The following LCLAT1 variants were observed in gnomAD, a reference collection of about 807,000 sequenced individuals.
LCLAT1 encodes the protein 1-AGP acyltransferase 8.
LCLAT1 carries 11 observed loss-of-function variants against 30.7 expected under a neutral mutation model. The observed-to-expected ratio is 0.36, with a 90% CI of 0.23 to 0.59. The LOEUF (loss-of-function observed/expected upper bound fraction) is 0.59, where lower values mean the gene tolerates loss of function less well. Ranked by LOEUF, LCLAT1 falls within the 20% of genes least tolerant of loss-of-function variation. The pLI, the probability that LCLAT1 is intolerant of heterozygous loss-of-function variation, is 0.77. For synonymous variants in LCLAT1, 155 were observed against 151.3 expected, an observed-to-expected ratio of 1.02 and a Z score of -0.18; for missense variants, 402 against 458.6, an observed-to-expected ratio of 0.88 and a Z score of 1.13.
intron 1 of LCLAT1, among the ~76,000 whole-genome samples, chr2:30,518,041 A>C (rs187320483): frequency 2.0e-5 from 3 of 152,218 alleles, no homozygotes; most frequent in African/African-American, 7.2e-5. Context: ...CTTTGCTAGC[A>C]GAAGAAAGTA....
At chr2:30,483,754 C>T (rs1168899587) in intron 1 of LCLAT1, among the ~76,000 whole-genome samples, 3 of 152,090 alleles carry the variant, frequency 2.0e-5, no homozygotes, top group Non-Finnish European at 4.4e-5. Context: ...GTTGTCTTAA[C>T]TTGTATTTAA....
intron 5 of LCLAT1, among the ~76,000 whole-genome samples, chr2:30,582,210 TGCCCCC>T (rs1227822234): frequency 9.9e-6 from 1 of 101,178 alleles, no homozygotes; most frequent in Admixed American, 1.1e-4. Flanking sequence ...CCCCTGCCCC[TGCCCCC>T]CTCCCATGGC....
chr2:30,515,519 C>A (rs1685137196), intron 1 of LCLAT1, among the ~76,000 whole-genome samples: 1 of 152,132 alleles, frequency 6.6e-6, no homozygotes, highest in Admixed American at 6.6e-5. Flanking sequence ...GAATAACGTA[C>A]ACAGTTATTA....
In LCLAT1 at chr2:30,479,467, G is replaced by A. The variant is rs569869657; in HGVS notation, c.-5+32084G>A. 3.9e-5 allele frequency among the ~76,000 whole-genome samples: 6 copies of A among 152,180 alleles called. No individual in the cohort carries two copies. The South Asian group carries it at 1.2e-3, about 32-fold the overall frequency. On this transcript the variant is annotated intron_variant, in intron 1 of 5. Transcript: ENST00000379509. ...TCAGCATGTTACCCAGGCTGGTCTA[G>A]AACTCCTGGACTCAAGCAGTCCCTC...
At chr2:30,625,055 T>C (rs774782442) in intron 5 of LCLAT1, among the ~76,000 whole-genome samples, 2 of 152,146 alleles carry the variant, frequency 1.3e-5, no homozygotes, top group Non-Finnish European at 2.9e-5. Context: ...TGAATGATAA[T>C]AGTGATAGAA....
intron 5 of LCLAT1, among the ~76,000 whole-genome samples, chr2:30,588,413 C>T (rs1025000820): frequency 6.6e-6 from 1 of 152,204 alleles, no homozygotes; most frequent in Admixed American, 6.5e-5. Flanking sequence ...TTCTTCCTCA[C>T]TGCCATATCA....
intron 1 of LCLAT1, among the ~76,000 whole-genome samples, chr2:30,516,142 C>T (rs1459104037): frequency 6.6e-6 from 1 of 152,158 alleles, no homozygotes; most frequent in Admixed American, 6.5e-5. Context: ...TCATCTATCG[C>T]CTGAGAGCAC....
intron 1 of LCLAT1, among the ~76,000 whole-genome samples, chr2:30,488,677 C>T (rs1162317703): frequency 1.3e-5 from 2 of 152,148 alleles, no homozygotes; most frequent in Non-Finnish European, 2.9e-5. Context: ...AGATTCCTAC[C>T]ACCTAGGCTG....
intron 3 of LCLAT1, among the ~76,000 whole-genome samples, chr2:30,541,663 A>G (rs1664144350): frequency 6.6e-6 from 1 of 152,170 alleles, no homozygotes; most frequent in Non-Finnish European, 1.5e-5. Context: ...CTTTTAATGT[A>G]TTACTTACAT....
intron 3 of LCLAT1, among the ~76,000 whole-genome samples, chr2:30,558,765 G>A (rs913513928): frequency 5.3e-5 from 8 of 152,126 alleles, no homozygotes; most frequent in Non-Finnish European, 1.2e-4. Flanking sequence ...CAGTGGGAGT[G>A]GCAATTGGTA....
At chr2:30,509,711 G>T (rs1379607744) in intron 1 of LCLAT1, among the ~76,000 whole-genome samples, 1 of 152,016 alleles carries the variant, frequency 6.6e-6, no homozygotes, top group Non-Finnish European at 1.5e-5. Context: ...GACTACAGAT[G>T]CATGCCACCA....
At chr2:30,638,084 G>A (rs931381721) in intron 5 of LCLAT1, among the ~76,000 whole-genome samples, 6 of 152,308 alleles carry the variant, frequency 3.9e-5, no homozygotes, top group African/African-American at 1.4e-4. Context: ...CTCTCATTAA[G>A]TGCTGATTAT....
At chr2:30,548,886 T>A (rs1338328977) in intron 3 of LCLAT1, among the ~76,000 whole-genome samples, 1 of 152,142 alleles carries the variant, frequency 6.6e-6, no homozygotes, top group Non-Finnish European at 1.5e-5. Flanking sequence ...GAATTTATGG[T>A]TTGTAGGGCA....
intron 3 of LCLAT1, among the ~76,000 whole-genome samples, chr2:30,542,205 A>G (rs181303786): frequency 7.2e-5 from 11 of 152,280 alleles, no homozygotes; most frequent in African/African-American, 2.6e-4. Context: ...TTCAAAGAGC[A>G]AACTTTATCT....
chr2:30,466,124 C>T (rs1338091795), intron 1 of LCLAT1, among the ~76,000 whole-genome samples: 12 of 151,882 alleles, frequency 7.9e-5, no homozygotes, highest in Admixed American at 7.9e-4. Flanking sequence ...CTGCTTTTAC[C>T]TATTTGATAA....
At chr2:30,464,809 G>C (rs1406068464) in intron 1 of LCLAT1, among the ~76,000 whole-genome samples, 1 of 152,210 alleles carries the variant, frequency 6.6e-6, no homozygotes, top group Non-Finnish European at 1.5e-5. Flanking sequence ...GACTAGGATA[G>C]TATCTAATTC....
intron 1 of LCLAT1, among the ~76,000 whole-genome samples, chr2:30,469,710 C>T (rs1228194437): frequency 6.6e-6 from 1 of 151,548 alleles, no homozygotes; most frequent in Non-Finnish European, 1.5e-5. Context: ...TGCTGAGTAG[C>T]TGGGACTACA....
chr2:30,492,888 AT>A (rs1683902878), intron 1 of LCLAT1, among the ~76,000 whole-genome samples: 1 of 152,196 alleles, frequency 6.6e-6, no homozygotes, highest in Non-Finnish European at 1.5e-5. Context: ...AATTTCATTT[AT>A]ACATTTCCAT....
At chr2:30,484,167 G>C (rs1297991574) in intron 1 of LCLAT1, among the ~76,000 whole-genome samples, 1 of 152,086 alleles carries the variant, frequency 6.6e-6, no homozygotes, top group East Asian at 1.9e-4. Context: ...CATATTCTCT[G>C]TATTAGGCCC....
Sources: gnomAD v4.1 joint callset for allele counts (sites outside exome capture counted in the v4.1 genomes callset) on GRCh38, gnomAD v4.1.1 for gene constraint, MANE v1.5 for transcripts, NCBI Gene and HGNC (gene_info 2026-07-23, HGNC 2026-07-21) for gene names.